The following ZNF599 variants were observed in gnomAD, a reference collection of about 807,000 sequenced individuals.
ZNF599 encodes zinc finger protein 599.
In ZNF599, 10 loss-of-function variants were observed where a neutral mutation model predicts 11.7. That is an observed-to-expected ratio of 0.86 (90% CI 0.53 to 1.45). The LOEUF (loss-of-function observed/expected upper bound fraction) is 1.45, where lower values mean the gene tolerates loss of function less well. ZNF599 is among the 40% of genes most tolerant of loss of function. The pLI, the probability that ZNF599 is intolerant of heterozygous loss-of-function variation, is 0.00. For synonymous variants in ZNF599, 232 were observed against 253.2 expected, an observed-to-expected ratio of 0.92 and a Z score of 0.79; for missense variants, 688 against 713.6, an observed-to-expected ratio of 0.96 and a Z score of 0.41.
At chr19:34,766,978 G>A (rs2069148263) in intron 3 of ZNF599, 1 of 224,382 alleles carries the variant, frequency 4.5e-6, no homozygotes, top group African/African-American at 2.3e-5. Flanking sequence ...TTAATCTGTT[G>A]AGTCACATGA....
At chr19:34,796,732 T>C in the ZNF599 span, among the ~76,000 whole-genome samples, 1 of 152,160 alleles carries the variant, frequency 6.6e-6, no homozygotes, top group Non-Finnish European at 1.5e-5. Context: ...CTGGCCCAAG[T>C]TGATAGTATG....
At chr19:34,766,632 T>C (rs1179777148) in intron 3 of ZNF599, among the ~76,000 whole-genome samples, 2 of 152,334 alleles carry the variant, frequency 1.3e-5, no homozygotes, top group Middle Eastern at 3.4e-3. Flanking sequence ...AACCCAGTCA[T>C]GCAGAAACTA....
At chr19:34,807,440 C>T in the ZNF599 span, among the ~76,000 whole-genome samples, 3 of 152,196 alleles carry the variant, frequency 2.0e-5, no homozygotes, top group Non-Finnish European at 4.4e-5. Flanking sequence ...ATGGGTGGCA[C>T]CCTAGCCTAG....
chr19:34,763,297 A>C (rs1249869419), intron 3 of ZNF599: 2 of 152,260 alleles, frequency 1.3e-5, no homozygotes, highest in African/African-American at 4.8e-5. Context: ...CGCATTGACT[A>C]ATGATGACAA....
intron 2 of ZNF599, among the ~76,000 whole-genome samples, chr19:34,767,650 A>G (rs1248383128): frequency 6.6e-6 from 1 of 152,212 alleles, no homozygotes; most frequent in Non-Finnish European, 1.5e-5. Flanking sequence ...CAAATCTCTG[A>G]GCAGAAGGAC....
At chr19:34,771,530 G>C (rs915973322) in intron 1 of ZNF599, among the ~76,000 whole-genome samples, 9 of 152,196 alleles carry the variant, frequency 5.9e-5, no homozygotes, top group African/African-American at 1.9e-4. Context: ...CACCCTAGGA[G>C]AGCTCAATGC....
intron 1 of ZNF599, among the ~76,000 whole-genome samples, chr19:34,770,072 T>C (rs1410500476): frequency 6.6e-6 from 1 of 152,220 alleles, no homozygotes; most frequent in Non-Finnish European, 1.5e-5. Context: ...AATACATTAA[T>C]AGTTCCCACT....
chr19:34,761,481 A>G (rs2069113401), intron 3 of ZNF599, among the ~76,000 whole-genome samples: 1 of 152,218 alleles, frequency 6.6e-6, no homozygotes, highest in Admixed American at 6.5e-5. Flanking sequence ...TGATATAGAG[A>G]CCAGGATAAC....
the ZNF599 span, among the ~76,000 whole-genome samples, chr19:34,804,197 C>T: frequency 6.6e-6 from 1 of 152,246 alleles, no homozygotes; most frequent in South Asian, 2.1e-4. Flanking sequence ...ACATTTGCCC[C>T]TGTGCTAATC....
intron 1 of ZNF599, among the ~76,000 whole-genome samples, chr19:34,772,140 T>C (rs138436536): frequency 1.3e-5 from 2 of 152,362 alleles, no homozygotes; most frequent in East Asian, 3.9e-4. Flanking sequence ...CATACATTCA[T>C]GTACACTGTC....
intron 3 of ZNF599, 39 bp downstream of exon 3, chr19:34,767,277 G>T: frequency 6.5e-7 from 1 of 1,543,426 alleles, no homozygotes; most frequent in Non-Finnish European, 9.0e-7. Flanking sequence ...TGGTCTGCAG[G>T]CTGCCCTGAT....
chr19:34,763,487 T>A (rs1252916547), intron 3 of ZNF599: 1 of 151,620 alleles, frequency 6.6e-6, no homozygotes, highest in Non-Finnish European at 1.5e-5. Context: ...ATGGTAAACT[T>A]CTTGTAAGAA....
Position 34,762,289 on chromosome 19 carries a change from GC to G in ZNF599, c.242-1731del, listed in dbSNP as rs778931057. The stretch of plus-strand genomic sequence containing the variant: ...AAACAAATTAGGACCACAATGAGAT[GC>G]CCCATTTTATACTCGCTAGGTTGAA... On this transcript the variant is annotated intron_variant, in intron 3 of 3. Transcript: ENST00000329285. Among the ~76,000 whole-genome samples, 4 of 152,120 alleles carry G rather than the reference GC, an allele frequency of 2.6e-5. No individual in the cohort carries two copies. The South Asian group carries it at 8.3e-4, about 32-fold the overall frequency.
upstream of ZNF599, among the ~76,000 whole-genome samples, chr19:34,774,718 T>TACATTCTAC (rs1389509255): frequency 8.5e-5 from 13 of 152,180 alleles, no homozygotes. Flanking sequence ...ATTTATCCTA[T>TACATTCTAC]ACATTCTACA....
chr19:34,772,761 C>T, intron 1 of ZNF599, 63 bp downstream of exon 1: 2 of 1,534,620 alleles, frequency 1.3e-6, no homozygotes, highest in Non-Finnish European at 1.7e-6. Context: ...CGCCGTATTA[C>T]AGCGGATGGG....
chr19:34,779,243 CTTTTTTTT>C, the ZNF599 span, among the ~76,000 whole-genome samples: 79 of 57,316 alleles, frequency 1.4e-3, no homozygotes, highest in Admixed American at 5.9e-3. Context: ...CCATGCCCAG[CTTTTTTTT>C]TTTTTTTTTT....
At chr19:34,774,951 G>A (rs926069212), upstream of ZNF599, among the ~76,000 whole-genome samples, 2 of 152,164 alleles carry the variant, frequency 1.3e-5, no homozygotes. Context: ...CTATTCTTGA[G>A]ATAATGAGTT....
chr19:34,788,663 G>A, the ZNF599 span: 4 of 152,156 alleles, frequency 2.6e-5, no homozygotes, highest in East Asian at 1.9e-4. Flanking sequence ...TGGATCCAGA[G>A]AGAAGGCACA....
intron 3 of ZNF599, among the ~76,000 whole-genome samples, chr19:34,761,965 A>C (rs952831423): frequency 3.3e-5 from 5 of 152,210 alleles, no homozygotes; most frequent in Non-Finnish European, 2.9e-5. Flanking sequence ...AAAAAACATA[A>C]CATTAGTATC....
Sources: allele counts gnomAD v4.1 joint callset (sites outside exome capture counted in the v4.1 genomes callset), GRCh38; gene constraint gnomAD v4.1.1; transcripts MANE v1.5; gene names NCBI Gene and HGNC (gene_info 2026-07-23, HGNC 2026-07-21).